Variants in SPTA1 observed in about 807,000 individuals in gnomAD.
SPTA1 encodes spectrin alpha chain, erythrocytic 1.
Under a neutral mutation model 324.7 loss-of-function variants are expected in SPTA1, and 177 were observed. The ratio of observed to expected loss-of-function variants is 0.55; its 90% confidence interval spans 0.48 to 0.62. SPTA1 has a LOEUF of 0.62. SPTA1 is among the 20% of genes least tolerant of loss of function. The probability of loss-of-function intolerance (pLI) is 0.00; values close to 1 mark genes in which losing one functional copy is unlikely to be tolerated. For synonymous variants in SPTA1, 1,195 were observed against 1,041.3 expected, an observed-to-expected ratio of 1.15 and a Z score of -2.84; for missense variants, 3,162 against 2,883.6, an observed-to-expected ratio of 1.10 and a Z score of -2.21.
intron 51 of SPTA1, 44 bp downstream of exon 51, chr1:158,612,773 A>G (rs763085186): frequency 1.4e-5 from 23 of 1,612,474 alleles, no homozygotes; most frequent in Non-Finnish European, 2.0e-5. Context: ...ACCAGAATTC[A>G]AATTAGGATG....
chr1:158,676,282 C>T lies in SPTA1; in HGVS notation c.971G>A (p.Cys324Tyr), dbSNP rs374842824. The T allele has an allele frequency of 1.4e-5, 23 of 1,613,436 alleles. No individual in the cohort carries two copies. Among genetic ancestry groups the T allele is most frequent in the Non-Finnish European group, 1.5e-5 (18 of 1,179,676 alleles). The stretch of plus-strand genomic sequence containing the variant: ...AAGTGTCAGCTTCTCTGCTTTAGCA[C>T]ATAACTCCTTCACCTTTGGGATGAA... ...AVMSDKVKEL[C>Y]AKAEKLTLSH... is the part of the protein sequence containing the mutation. The change falls in exon 8 of 52, where the codon TGT becomes TAT. Residue 324 changes from cysteine (C) to tyrosine (Y), a missense_variant. Transcript: ENST00000643759.
chr1:158,614,554 A>G (rs1366823223), intron 48 of SPTA1: 2 of 429,324 alleles, frequency 4.7e-6, no homozygotes, highest in Non-Finnish European at 8.3e-6. Context: ...ATTTTTTGAA[A>G]CATGAAAATT....
intron 11 of SPTA1, 145 bp from the exon 12 acceptor site, chr1:158,671,598 A>G: frequency 1.4e-6 from 1 of 706,830 alleles, no homozygotes; most frequent in South Asian, 1.6e-5. Flanking sequence ...AATTAACTTT[A>G]AACAGCAGGA....
At chr1:158,633,985 T>G (rs1312588491) in intron 39 of SPTA1, among the ~76,000 whole-genome samples, 1 of 152,196 alleles carries the variant, frequency 6.6e-6, no homozygotes, top group Non-Finnish European at 1.5e-5. Context: ...TCTTGTTTTG[T>G]AATCACTCTC....
rs1160088169 is a variant in SPTA1 at position 158,624,073 on chromosome 1, G to T, written c.5911-881C>A. ...ACACAGAAGTCAAGAATTGAGGTTTGGGAGCTTTGTAGATTTCAGAGGATG... is the reference window on the plus strand; with the variant it reads ...ACACAGAAGTCAAGAATTGAGGTTTTGGAGCTTTGTAGATTTCAGAGGATG... On this transcript the variant is annotated intron_variant, in intron 42 of 51. Transcript: ENST00000643759. 2.6e-5 allele frequency among the ~76,000 whole-genome samples: 4 copies of T among 152,040 alleles called. No homozygotes were observed. The South Asian group carries it at 6.2e-4, about 24-fold the overall frequency.
chr1:158,648,424 A>C, intron 26 of SPTA1, 85 bp downstream of exon 26: 1 of 1,578,226 alleles, frequency 6.3e-7, no homozygotes, highest in Non-Finnish European at 8.7e-7. Context: ...AAAAGACTGA[A>C]AAAGAGAACC....
rs1445113494 is a variant in SPTA1 at position 158,620,226 on chromosome 1, A to G, written c.6361T>C (p.Trp2121Arg). The change falls in exon 44 of 52, where the codon TGG becomes CGG. Residue 2121 changes from tryptophan (W) to arginine (R), a missense_variant. Transcript: ENST00000643759. ...CTTTCCAGCACCTCCACTGTTAACC[A>G]GGTATAAGGGCTGGAAGGCACACCT... ...ALGVPSSPYT[W>R]LTVEVLERTW... 1 of 1,614,164 alleles carries G rather than the reference A, an allele frequency of 6.2e-7. No individual in the cohort carries two copies. The highest frequency in any genetic ancestry group is 8.5e-7 in the Non-Finnish European group (1 of 1,180,026).
chr1:158,639,985 T>C lies in SPTA1; in HGVS notation c.4760A>G (p.Glu1587Gly), dbSNP rs367634336. ...AMKEQLEQLK[E>G]HWDHLLERTN... ...TCTCTCAAGCAGATGATCCCAATGT[T>C]CCTTCAGCTGTTCCAGTTGCTCCTA... The change falls in exon 34 of 52, where the codon GAA becomes GGA. Residue 1587 changes from glutamate to glycine, a missense_variant. Transcript: ENST00000643759. The C allele has an allele frequency of 2.9e-5, 46 of 1,613,740 alleles. No homozygotes were observed. The highest frequency in any genetic ancestry group is 3.5e-5 in the Non-Finnish European group (41 of 1,179,884).
At chr1:158,650,459 TA>T (rs1652340391) in intron 24 of SPTA1, among the ~76,000 whole-genome samples, 1 of 152,216 alleles carries the variant, frequency 6.6e-6, no homozygotes, top group Non-Finnish European at 1.5e-5. Flanking sequence ...TCCAGAGAAC[TA>T]GACTGAACAT....
chr1:158,614,949 A>T (rs1571370188), intron 48 of SPTA1: 2 of 440,914 alleles, frequency 4.5e-6, no homozygotes, highest in Non-Finnish European at 8.1e-6. Flanking sequence ...AAGATGGTGA[A>T]AGAACTCTGA....
chr1:158,640,720 A>G (rs1651491027), intron 33 of SPTA1, among the ~76,000 whole-genome samples: 1 of 152,202 alleles, frequency 6.6e-6, no homozygotes, highest in African/African-American at 2.4e-5. Context: ...GGAAGAATCA[A>G]TGGCCATACT....
intron 18 of SPTA1, among the ~76,000 whole-genome samples, chr1:158,659,635 G>C (rs532939828): frequency 0.025 from 578 of 23,572 alleles, 37 homozygotes; most frequent in Middle Eastern, 0.067. Flanking sequence ...ACGGAGTCTC[G>C]CTCTGTCGCC....
intron 25 of SPTA1, 152 bp from the exon 26 acceptor site, chr1:158,648,805 T>A: frequency 1.2e-6 from 1 of 814,292 alleles, no homozygotes; most frequent in Non-Finnish European, 2.0e-6. Flanking sequence ...TTTTATGTGC[T>A]AGAAACTTAG....
intron 3 of SPTA1, 42 bp from the exon 4 acceptor site, chr1:158,681,709 G>A (rs773631973): frequency 1.2e-6 from 2 of 1,612,932 alleles, no homozygotes. Flanking sequence ...ACAGACACTG[G>A]GAGCAGGGAA....
chr1:158,682,159 G>A (rs1326026734), intron 3 of SPTA1, among the ~76,000 whole-genome samples: 1 of 152,116 alleles, frequency 6.6e-6, no homozygotes, highest in Non-Finnish European at 1.5e-5. Flanking sequence ...AGTGTTTTGG[G>A]ACTATACAGT....
At chr1:158,646,452 A>G (rs1652003303) in intron 27 of SPTA1, among the ~76,000 whole-genome samples, 1 of 152,198 alleles carries the variant, frequency 6.6e-6, no homozygotes, top group Non-Finnish European at 1.5e-5. Context: ...AGGAACTCAT[A>G]CTTTAGGTTA....
In SPTA1 at chr1:158,674,627, G is replaced by A. The variant is rs773982782; in HGVS notation, c.1161C>T (p.Asn387=). ...CAGCATTGATCGCAGCAGTCTTCTC[G>A]TTCATCCAGCCTGAGAGTTCATCAA... ...SDFDELSGWM[N]EKTAAINADE... The change falls in exon 9 of 52, where the codon AAC becomes AAT. Residue 387 remains asparagine, a synonymous_variant. Coordinates refer to ENST00000643759, the MANE Select transcript of SPTA1 (RefSeq NM_003126.4). 34 of 1,613,864 alleles carry A rather than the reference G, an allele frequency of 2.1e-5. No individual in the cohort carries two copies. The highest frequency in any genetic ancestry group is 6.7e-5 in the East Asian group (3 of 44,892).
In SPTA1 at chr1:158,646,580, A is replaced by T. The variant is rs1005830076; in HGVS notation, c.3896+959T>A. Among the ~76,000 whole-genome samples the T allele has an allele frequency of 3.3e-5, 5 of 152,176 alleles. No individual in the cohort carries two copies. In the South Asian group the frequency reaches 1.0e-3, roughly 32 times the overall value. On this transcript the variant is annotated intron_variant, in intron 27 of 51. Transcript: ENST00000643759. ...AAAGTATCATATGGAGTAAAATAAG[A>T]TGTTAATGTTGCTCAGGGGTGGGAA...
Position 158,676,124 on chromosome 1 carries a change from G to A in SPTA1, c.1112+17C>T, listed in dbSNP as rs771156719. On this transcript the variant is annotated intron_variant, in intron 8 of 51. Coordinates refer to ENST00000643759, the MANE Select transcript of SPTA1 (RefSeq NM_003126.4). ...CTGTAGAGATAGGTAGAGCAATAAA[G>A]GGGAGGGATTTCCCACCAATAAGTA... 6.2e-7 allele frequency: 1 copy of A among 1,613,042 alleles called. No individual in the cohort carries two copies. The highest frequency in any genetic ancestry group is 1.7e-5 in the Admixed American group (1 of 59,952).
Sources: gnomAD v4.1 joint callset for allele counts (sites outside exome capture counted in the v4.1 genomes callset) on GRCh38, gnomAD v4.1.1 for gene constraint, MANE v1.5 for transcripts, NCBI Gene and HGNC (gene_info 2026-07-23, HGNC 2026-07-21) for gene names.